The following AASS variants were observed in gnomAD, a reference collection of about 807,000 sequenced individuals.
The protein encoded by AASS is aminoadipate-semialdehyde synthase.
In AASS, 86 loss-of-function variants were observed where a neutral mutation model predicts 105.4. The observed-to-expected ratio is 0.82, with a 90% CI of 0.69 to 0.98. The LOEUF (loss-of-function observed/expected upper bound fraction) is 0.98. AASS is among the 50% of genes least tolerant of loss of function. The pLI, the probability that AASS is intolerant of heterozygous loss-of-function variation, is 0.00. For missense variants in AASS, 1,048 were observed against 1,143.2 expected, an observed-to-expected ratio of 0.92 and a Z score of 1.20; for synonymous variants, 381 against 394.8, an observed-to-expected ratio of 0.96 and a Z score of 0.41.
At chr7:122,082,224 C>G (rs1232147678) in intron 19 of AASS, among the ~76,000 whole-genome samples, 5 of 152,104 alleles carry the variant, frequency 3.3e-5, no homozygotes, top group African/African-American at 7.2e-5. Context: ...CAAAGCAAAC[C>G]TGAGGTCCTT....
intron 1 of AASS, among the ~76,000 whole-genome samples, chr7:122,135,862 T>TTTTATATACAGGCTCA (rs1554400873): frequency 1.3e-5 from 2 of 151,630 alleles, no homozygotes; most frequent in East Asian, 3.9e-4. Flanking sequence ...TGCTCCTAAT[T>TTTTATATACAGGCTCA]TTTATATACA....
At chr7:122,094,273 T>C (rs1408595829) in intron 15 of AASS, among the ~76,000 whole-genome samples, 1 of 151,958 alleles carries the variant, frequency 6.6e-6, no homozygotes, top group Non-Finnish European at 1.5e-5. Flanking sequence ...AAATAAATAT[T>C]CCCTTGGAAA....
At chr7:122,098,935 A>G in intron 13 of AASS, 69 bp from the exon 14 acceptor site, 1 of 1,435,734 alleles carries the variant, frequency 7.0e-7, no homozygotes. Context: ...TAAATAACAG[A>G]ATCTTGCATT....
intron 4 of AASS, among the ~76,000 whole-genome samples, chr7:122,120,831 A>C (rs1312602460): frequency 1.3e-5 from 2 of 152,004 alleles, no homozygotes; most frequent in East Asian, 1.9e-4. Context: ...ATTACATTGA[A>C]TATCTCCCAA....
intron 10 of AASS, among the ~76,000 whole-genome samples, 165 bp downstream of exon 10, chr7:122,113,433 G>C (rs1252843733): frequency 6.6e-6 from 1 of 152,142 alleles, no homozygotes; most frequent in East Asian, 1.9e-4. Context: ...TTGTGTATGT[G>C]TGTGTGTTCA....
intron 15 of AASS, among the ~76,000 whole-genome samples, chr7:122,097,938 C>T (rs947018196): frequency 2.6e-5 from 4 of 151,820 alleles, no homozygotes; most frequent in Non-Finnish European, 4.4e-5. Context: ...CAGAAACAAC[C>T]TAAATATCTA....
At chr7:122,085,308 C>A (rs1043417388) in intron 19 of AASS, among the ~76,000 whole-genome samples, 3 of 152,166 alleles carry the variant, frequency 2.0e-5, no homozygotes, top group African/African-American at 7.2e-5. Context: ...TGCTAGAAAA[C>A]TATTACACCA....
chr7:122,130,549 C>T (rs972493714), intron 2 of AASS, among the ~76,000 whole-genome samples: 1 of 151,958 alleles, frequency 6.6e-6, no homozygotes, highest in Non-Finnish European at 1.5e-5. Context: ...TTATAATCCT[C>T]ATTCAATCAA....
chr7:122,088,781 G>A (rs944373453), intron 18 of AASS, among the ~76,000 whole-genome samples: 3 of 151,934 alleles, frequency 2.0e-5, no homozygotes, highest in African/African-American at 7.2e-5. Context: ...GGTTAGACTG[G>A]GAAACACTGC....
At chr7:122,122,266 C>T (rs1371714107) in intron 4 of AASS, among the ~76,000 whole-genome samples, 1 of 151,930 alleles carries the variant, frequency 6.6e-6, no homozygotes, top group East Asian at 1.9e-4. Flanking sequence ...CTTCCTTCCT[C>T]ACTGCAGTAG....
chr7:122,108,133 T>G (rs751373112), intron 11 of AASS, among the ~76,000 whole-genome samples: 3 of 151,800 alleles, frequency 2.0e-5, no homozygotes, highest in Non-Finnish European at 4.4e-5. Flanking sequence ...AAATAAACAA[T>G]CTGAATAGGC....
chr7:122,126,951 A>T (rs1012366987), intron 3 of AASS, among the ~76,000 whole-genome samples: 2 of 152,058 alleles, frequency 1.3e-5, no homozygotes, highest in South Asian at 2.1e-4. Flanking sequence ...CAACCATTCT[A>T]AGTACACTCA....
At chr7:122,122,613 G>A (rs1795489994) in intron 4 of AASS, among the ~76,000 whole-genome samples, 1 of 152,184 alleles carries the variant, frequency 6.6e-6, no homozygotes, top group Non-Finnish European at 1.5e-5. Context: ...AACAAGAAAT[G>A]ACAGAGATGC....
chr7:122,126,320 A>C, intron 4 of AASS, 55 bp downstream of exon 4: 1 of 1,491,858 alleles, frequency 6.7e-7, no homozygotes, highest in East Asian at 2.3e-5. Context: ...GAAAACTCAC[A>C]GTTATTCCCC....
intron 11 of AASS, 112 bp downstream of exon 11, chr7:122,113,006 A>G: frequency 1.2e-6 from 1 of 862,870 alleles, no homozygotes; most frequent in Non-Finnish European, 1.9e-6. Context: ...AAGGGCTGGC[A>G]TTTCATTTTA....
intron 1 of AASS, among the ~76,000 whole-genome samples, chr7:122,135,941 G>A (rs1796121455): frequency 6.6e-6 from 1 of 152,090 alleles, no homozygotes; most frequent in Admixed American, 6.5e-5. Context: ...AGGCTTAACA[G>A]TATTCTACCC....
intron 20 of AASS, among the ~76,000 whole-genome samples, chr7:122,080,672 CCAGATGGGGTTATTATACATTG>C (rs1214930669): frequency 6.6e-6 from 1 of 152,106 alleles, no homozygotes; most frequent in African/African-American, 2.4e-5. Flanking sequence ...CCCCATTTAC[CCAGATGGGGTTATTATACATTG>C]CATGCCTATT....
At position 122,074,019 on chromosome 7, in the gene AASS, T is replaced by C. The variant is rs1471991886; in HGVS notation, c.*2470A>G. On this transcript the variant is annotated 3_prime_UTR_variant, in exon 24 of 24. Transcript: ENST00000417368. ...GGGCTGTTTCAATTTTGGGCTATTA[T>C]AAATAATGCTGCAAAGAACATCTGT... Among the ~76,000 whole-genome samples the C allele has an allele frequency of 6.6e-6, 1 of 152,104 alleles. No individual in the cohort carries two copies. The highest frequency in any genetic ancestry group is 1.9e-4 in the East Asian group (1 of 5,208).
Position 122,076,321 on chromosome 7 carries a change from C to T in AASS, c.*168G>A. 1 of 608,078 alleles carries T rather than the reference C, an allele frequency of 1.6e-6. No individual in the cohort carries two copies. The allele number at this position is 608,078 out of a possible 1,614,324, so 37.7% of individuals were successfully genotyped here. On this transcript the variant is annotated 3_prime_UTR_variant, in exon 24 of 24. Coordinates refer to ENST00000417368, the MANE Select transcript of AASS (RefSeq NM_005763.4). ...CTGTTAGTGGCTTGCATCTCCTGTTCCAAACATTTCCATATTAAAATAAAG... is the reference window on the plus strand; with the variant it reads ...CTGTTAGTGGCTTGCATCTCCTGTTTCAAACATTTCCATATTAAAATAAAG...
Sources: allele counts gnomAD v4.1 joint callset (sites outside exome capture counted in the v4.1 genomes callset), GRCh38; gene constraint gnomAD v4.1.1; transcripts MANE v1.5; gene names NCBI Gene and HGNC (gene_info 2026-07-23, HGNC 2026-07-21).